DCC: variants seen among roughly 807,000 people sequenced by gnomAD.
The protein encoded by DCC is netrin receptor DCC.
DCC carries 58 observed loss-of-function variants against 172.5 expected under a neutral mutation model. That is an observed-to-expected ratio of 0.34 (90% CI 0.27 to 0.42). DCC has a LOEUF of 0.42. Ranked by LOEUF, DCC falls within the 10% of genes least tolerant of loss-of-function variation. The pLI is 1.00. For synonymous variants in DCC, 709 were observed against 644.5 expected, an observed-to-expected ratio of 1.10 and a Z score of -1.52; for missense variants, 1,740 against 1,791.0, an observed-to-expected ratio of 0.97 and a Z score of 0.51.
chr18:52,458,036 G>A (rs755515413), intron 1 of DCC, among the ~76,000 whole-genome samples: 3 of 152,160 alleles, frequency 2.0e-5, no homozygotes, highest in Admixed American at 6.5e-5. Flanking sequence ...AGCTACAGGC[G>A]TGGATGCGGC....
chr18:52,700,238 A>G (rs1451853505), intron 1 of DCC, among the ~76,000 whole-genome samples: 2 of 145,178 alleles, frequency 1.4e-5, no homozygotes, highest in Non-Finnish European at 3.0e-5. Context: ...GCACACTCAC[A>G]TGCACACTCA....
intron 8 of DCC, among the ~76,000 whole-genome samples, chr18:53,166,914 C>T (rs1330956443): frequency 6.6e-6 from 1 of 152,114 alleles, no homozygotes; most frequent in Non-Finnish European, 1.5e-5. Context: ...GTGGTTATCA[C>T]TCTGCTATCA....
intron 5 of DCC, among the ~76,000 whole-genome samples, chr18:52,947,968 C>A (rs112236025): frequency 0.02 from 3,028 of 152,202 alleles, 42 homozygotes; most frequent in Non-Finnish European, 0.029. Flanking sequence ...CAATTTCTAC[C>A]TCTAAAAGGT....
At chr18:52,616,561 G>C (rs1048144290) in intron 1 of DCC, among the ~76,000 whole-genome samples, 16 of 152,142 alleles carry the variant, frequency 1.1e-4, no homozygotes, top group African/African-American at 3.6e-4. Flanking sequence ...ATTTGCATTT[G>C]AGAGGGGAAA....
intron 12 of DCC, among the ~76,000 whole-genome samples, chr18:53,287,474 T>C (rs1344588085): frequency 1.3e-5 from 2 of 152,212 alleles, no homozygotes; most frequent in Admixed American, 6.5e-5. Flanking sequence ...TATGTAGATA[T>C]ATGTTTTCAG....
intron 5 of DCC, among the ~76,000 whole-genome samples, chr18:52,981,324 C>T (rs1323260501): frequency 6.6e-6 from 1 of 152,024 alleles, no homozygotes; most frequent in Non-Finnish European, 1.5e-5. Flanking sequence ...AACTTTTTGA[C>T]AGTTCTTTTC....
intron 2 of DCC, among the ~76,000 whole-genome samples, chr18:52,864,299 A>C (rs1436763699): frequency 6.6e-6 from 1 of 152,154 alleles, no homozygotes; most frequent in Non-Finnish European, 1.5e-5. Context: ...CTTTTTCAAG[A>C]AGTCTGGGTG....
chr18:53,379,736 C>A (rs577503008), intron 15 of DCC, among the ~76,000 whole-genome samples: 3 of 152,078 alleles, frequency 2.0e-5, no homozygotes, highest in African/African-American at 7.2e-5. Flanking sequence ...GGATGCTCAA[C>A]GAGTTACTAA....
In DCC at chr18:52,812,786, G is replaced by A. The variant is rs183110018; in HGVS notation, c.412+60412G>A. On this transcript the variant is annotated intron_variant, in intron 2 of 28. Transcript: ENST00000442544. Reference sequence around the variant, plus strand: ...GTACTTGCTGCTCATTGTGCCCAAAGGCAAAGCTCCATTTAAATTCAACAG... The same window carrying A: ...GTACTTGCTGCTCATTGTGCCCAAAAGCAAAGCTCCATTTAAATTCAACAG... Among the ~76,000 whole-genome samples, 285 of 152,302 alleles carry A rather than the reference G, an allele frequency of 1.9e-3. 2 individuals are homozygous for A. The highest frequency in any genetic ancestry group is 6.5e-3 in the African/African-American group (270 of 41,568).
intron 5 of DCC, chr18:52,931,686 G>C (rs2040309240): frequency 2.0e-5 from 3 of 151,966 alleles, no homozygotes; most frequent in Admixed American, 2.0e-4. Context: ...ATCTTTATTA[G>C]ACAAGATTAA....
At chr18:53,255,463 G>A (rs1467898645) in intron 12 of DCC, among the ~76,000 whole-genome samples, 1 of 148,212 alleles carries the variant, frequency 6.7e-6, no homozygotes, top group Non-Finnish European at 1.5e-5. Context: ...AGAACATGTG[G>A]TGTTTGGTTT....
chr18:52,931,630 TAAAATA>T (rs1186159833), intron 5 of DCC, among the ~76,000 whole-genome samples: 1 of 152,120 alleles, frequency 6.6e-6, no homozygotes, highest in Non-Finnish European at 1.5e-5. Context: ...TTCCTTCTTA[TAAAATA>T]AAAATGGAAA....
intron 12 of DCC, among the ~76,000 whole-genome samples, chr18:53,268,557 A>G (rs529888391): frequency 1.3e-5 from 2 of 152,194 alleles, no homozygotes; most frequent in Admixed American, 1.3e-4. Context: ...CTCAGCCTTC[A>G]ATTTTCTCAT....
intron 1 of DCC, among the ~76,000 whole-genome samples, chr18:52,732,591 T>G (rs1306938144): frequency 6.6e-6 from 1 of 152,196 alleles, no homozygotes; most frequent in Non-Finnish European, 1.5e-5. Flanking sequence ...GAGTAGTTGG[T>G]CCATAAAGCT....
At chr18:52,903,653 T>G (rs976369506) in intron 2 of DCC, among the ~76,000 whole-genome samples, 5 of 152,198 alleles carry the variant, frequency 3.3e-5, no homozygotes, top group Non-Finnish European at 7.3e-5. Flanking sequence ...TATTGGAAAA[T>G]TATTCCTGAC....
At chr18:52,673,103 T>C (rs1337877836) in intron 1 of DCC, among the ~76,000 whole-genome samples, 2 of 152,196 alleles carry the variant, frequency 1.3e-5, no homozygotes, top group Non-Finnish European at 2.9e-5. Context: ...TTAGTGTATT[T>C]TGTATCTAGA....
At chr18:53,352,855 A>T in intron 15 of DCC, among the ~76,000 whole-genome samples, 1 of 152,092 alleles carries the variant, frequency 6.6e-6, no homozygotes, top group East Asian at 1.9e-4. Flanking sequence ...ATTTTTATTT[A>T]ATATTTTTAA....
intron 1 of DCC, among the ~76,000 whole-genome samples, chr18:52,549,256 T>C (rs2032697823): frequency 6.6e-6 from 1 of 152,104 alleles, no homozygotes; most frequent in South Asian, 2.1e-4. Flanking sequence ...TCATTCCTGA[T>C]GTGACAACTA....
chr18:52,344,788 T>TGAA (rs774842523), intron 1 of DCC, among the ~76,000 whole-genome samples: 45,923 of 151,834 alleles, frequency 0.3, 7,012 homozygotes, highest in East Asian at 0.44. Context: ...TGAAACTTCT[T>TGAA]CTTCATGATT....
Sources: gnomAD v4.1 joint callset for allele counts (sites outside exome capture counted in the v4.1 genomes callset) on GRCh38, gnomAD v4.1.1 for gene constraint, MANE v1.5 for transcripts, NCBI Gene and HGNC (gene_info 2026-07-23, HGNC 2026-07-21) for gene names.